GOLM1: variants seen among roughly 807,000 people sequenced by gnomAD.
The protein encoded by GOLM1 is golgi membrane protein 1.
A neutral mutation model predicts 50.5 loss-of-function variants in GOLM1; 31 were observed. The observed-to-expected ratio is 0.61, with a 90% CI of 0.46 to 0.83. The LOEUF (loss-of-function observed/expected upper bound fraction) is 0.83, where lower values mean the gene tolerates loss of function less well. Ranked by LOEUF, GOLM1 falls within the 40% of genes least tolerant of loss-of-function variation. The pLI is 0.00. For synonymous variants in GOLM1, 178 were observed against 192.8 expected (o/e 0.92, Z 0.64); for missense variants, 491 against 501.3 (o/e 0.98, Z 0.20).
At chr9:86,074,003 C>T (rs1834531461) in intron 3 of GOLM1, among the ~76,000 whole-genome samples, 1 of 151,966 alleles carries the variant, frequency 6.6e-6, no homozygotes, top group African/African-American at 2.4e-5. Flanking sequence ...TTGTCCAGCC[C>T]CCAACTTGAG....
chr9:86,056,957 T>G (rs1280451759), intron 3 of GOLM1, among the ~76,000 whole-genome samples: 6 of 152,190 alleles, frequency 3.9e-5, no homozygotes, highest in Non-Finnish European at 7.3e-5. Flanking sequence ...TGAGCCATGG[T>G]GCTGGGCCAT....
rs377348041 is a variant in GOLM1, at chr9:86,071,546, GT to G, written c.309+5865del. Among the ~76,000 whole-genome samples the G allele has an allele frequency of 4.9e-3, 738 of 152,130 alleles. 10 individuals carry two copies. The highest frequency in any genetic ancestry group is 0.017 in the African/African-American group (707 of 41,528). ...ATACAAAAATTAGCCGGGTGTGGTG[GT>G]GCAGGTCTGTAATCCCAGCTACTCG... is the stretch of plus-strand genomic sequence containing the variant. On this transcript the variant is annotated intron_variant, in intron 3 of 9. Transcript: ENST00000388712.
intron 1 of GOLM1, among the ~76,000 whole-genome samples, chr9:86,080,836 CAA>C (rs1834759640): frequency 6.6e-6 from 1 of 152,146 alleles, no homozygotes. Flanking sequence ...TGAATATACT[CAA>C]GAGACTCTTG....
At chr9:86,077,712 G>A (rs1834661863) in intron 2 of GOLM1, 121 bp from the exon 3 acceptor site, 1 of 687,068 alleles carries the variant, frequency 1.5e-6, no homozygotes, top group South Asian at 1.8e-5. Flanking sequence ...ATACACACAA[G>A]TGCCCAAGGC....
chr9:86,079,661 T>C (rs1834729918), intron 1 of GOLM1: 1 of 227,004 alleles, frequency 4.4e-6, no homozygotes, highest in South Asian at 1.8e-4. Context: ...TCCTCCCTTG[T>C]AAAATCATTA....
At chr9:86,077,298 C>G in intron 3 of GOLM1, 114 bp downstream of exon 3, 1 of 819,884 alleles carries the variant, frequency 1.2e-6, no homozygotes, top group East Asian at 2.5e-5. Flanking sequence ...GCTCTTTCCA[C>G]ATAATTACAT....
chr9:86,036,995 T>C (rs938825074), intron 6 of GOLM1, among the ~76,000 whole-genome samples: 1 of 152,154 alleles, frequency 6.6e-6, no homozygotes, highest in East Asian at 1.9e-4. Flanking sequence ...AGTAAATTAA[T>C]AGAAATGGAA....
At chr9:86,034,351 C>T (rs1471567849) in intron 8 of GOLM1, among the ~76,000 whole-genome samples, 1 of 152,186 alleles carries the variant, frequency 6.6e-6, no homozygotes, top group Non-Finnish European at 1.5e-5. Context: ...ACTGCACAGG[C>T]CTATGTGTCC....
At chr9:86,080,557 G>A (rs57226580) in intron 1 of GOLM1, among the ~76,000 whole-genome samples, 1 of 152,328 alleles carries the variant, frequency 6.6e-6, no homozygotes, top group Admixed American at 6.5e-5. Flanking sequence ...ATTCTCACCA[G>A]TGAGAACATG....
intron 9 of GOLM1, among the ~76,000 whole-genome samples, chr9:86,030,747 T>A (rs1175159400): frequency 6.6e-6 from 1 of 152,226 alleles, no homozygotes; most frequent in East Asian, 1.9e-4. Context: ...AATTTCCTTA[T>A]TTTGGTAATT....
At position 86,035,503 on chromosome 9, in the gene GOLM1, C is replaced by T. The variant is rs745640181; in HGVS notation, c.880G>A (p.Gly294Arg). 2.8e-5 allele frequency: 45 copies of T among 1,612,822 alleles called. No homozygotes were observed. Among genetic ancestry groups the T allele is most frequent in the Admixed American group, 1.8e-4 (11 of 59,976 alleles). The change falls in exon 8 of 10, where the codon GGA (glycine) becomes AGA (arginine). Residue 294 changes from glycine to arginine, a missense_variant. Physicochemically the swap from Gly to Arg is moderately radical, Grantham distance 125. Transcript: ENST00000388712. ...ACCTGTGGGGTCTGGCCCAGTTCTC[C>T]GGCTCCCCCGAAGCCTCTTCCACCT... The part of the protein sequence containing the change: ...PVGGRGFGGA[G>R]ELGQTPQVQA...
At chr9:86,055,947 G>T (rs1833971083) in intron 3 of GOLM1, among the ~76,000 whole-genome samples, 1 of 151,388 alleles carries the variant, frequency 6.6e-6, no homozygotes, top group Non-Finnish European at 1.5e-5. Context: ...GTTTCCTCTG[G>T]AAATCAGAGT....
chr9:86,091,088 C>T (rs185740059), intron 1 of GOLM1, among the ~76,000 whole-genome samples: 141 of 152,266 alleles, frequency 9.3e-4, no homozygotes, highest in African/African-American at 3.3e-3. Flanking sequence ...GGGCTGCATC[C>T]ACCGTCTAAC....
intron 1 of GOLM1, among the ~76,000 whole-genome samples, chr9:86,097,444 T>C (rs980991051): frequency 1.3e-5 from 2 of 152,196 alleles, no homozygotes; most frequent in Non-Finnish European, 2.9e-5. Context: ...TCTTTTTTCA[T>C]AGGGCAACTT....
intron 9 of GOLM1, among the ~76,000 whole-genome samples, chr9:86,032,284 C>G: frequency 6.6e-6 from 1 of 152,276 alleles, no homozygotes; most frequent in Admixed American, 6.5e-5. Flanking sequence ...TCTCTTGCCT[C>G]AGCCTCCCGA....
chr9:86,094,716 G>A (rs1199726318), intron 1 of GOLM1, among the ~76,000 whole-genome samples: 1 of 152,092 alleles, frequency 6.6e-6, no homozygotes, highest in Non-Finnish European at 1.5e-5. Context: ...GATCACTTGA[G>A]CCCAGGAATT....
Position 86,082,787 on chromosome 9 carries a change from T to C in GOLM1, c.-21-3446A>G, listed in dbSNP as rs554809224. On this transcript the variant is annotated intron_variant, in intron 1 of 9. Transcript: ENST00000388712. ...AATGGGGTTTAGGGCAAGGCCCGGATATTTGTATTTTTTAACCTCCCCAGG... is the reference window on the plus strand; with the variant it reads ...AATGGGGTTTAGGGCAAGGCCCGGACATTTGTATTTTTTAACCTCCCCAGG... 1.4e-4 allele frequency among the ~76,000 whole-genome samples: 21 copies of C among 152,318 alleles called. No homozygotes were observed. In the South Asian group the frequency reaches 4.1e-3, roughly 30 times the overall value.
chr9:86,027,184 C>CAAGGGTTATTATACAAGTAGCCTTTTA lies in GOLM1; in HGVS notation c.*606_*632dup. 2 of 984,496 alleles carry CAAGGGTTATTATACAAGTAGCCTTTTA rather than the reference C, an allele frequency of 2.0e-6. No homozygotes were observed. The highest frequency in any genetic ancestry group is 2.4e-6 in the Non-Finnish European group (2 of 829,476). 61.0% of individuals were successfully genotyped at this position (984,496 alleles called of 1,614,324 possible). A position where few individuals can be genotyped will look rare whatever the true frequency, so the allele number is the denominator to read the frequency against. On this transcript the variant is annotated 3_prime_UTR_variant, in exon 10 of 10. Transcript: ENST00000388712. ...ATAGCGTTTTGTACATTAAAAATGA[C>CAAGGGTTATTATACAAGTAGCCTTTTA]AAGGGTTATTATACAAGTAGCCTTT...
rs558115515 is a variant in GOLM1, at chr9:86,076,275, G to A, written c.309+1137C>T. Among the ~76,000 whole-genome samples the A allele has an allele frequency of 2.6e-5, 4 of 151,944 alleles. No individual in the cohort carries two copies. In the South Asian group the frequency reaches 8.3e-4, roughly 32 times the overall value. On this transcript the variant is annotated intron_variant, in intron 3 of 9. Transcript: ENST00000388712. ...CACTACTAAAAAATACAAAAAATTA[G>A]CTGGGCGTGGTGGCACATGCCTGTA...
Sources: gnomAD v4.1 joint callset for allele counts (sites outside exome capture counted in the v4.1 genomes callset) on GRCh38, gnomAD v4.1.1 for gene constraint, MANE v1.5 for transcripts, NCBI Gene and HGNC (gene_info 2026-07-23, HGNC 2026-07-21) for gene names.